The following NTNG1 variants were observed in gnomAD, a reference collection of about 807,000 sequenced individuals.
NTNG1 encodes the protein netrin G1.
In NTNG1, 16 loss-of-function variants were observed where a neutral mutation model predicts 54.0. The observed-to-expected ratio is 0.30, with a 90% CI of 0.20 to 0.45. NTNG1 has a LOEUF of 0.45. Ranked by LOEUF, NTNG1 falls within the 20% of genes least tolerant of loss-of-function variation. NTNG1 has a pLI of 1.00. For synonymous variants in NTNG1, 255 were observed against 263.1 expected, an observed-to-expected ratio of 0.97 and a Z score of 0.30; for missense variants, 530 against 678.7, an observed-to-expected ratio of 0.78 and a Z score of 2.43.
At chr1:107,333,797 C>T (rs1668417747) in intron 3 of NTNG1, among the ~76,000 whole-genome samples, 2 of 150,696 alleles carry the variant, frequency 1.3e-5, no homozygotes, top group African/African-American at 4.9e-5. Context: ...TAGAGAAAGA[C>T]TAACCTCAAT....
intron 2 of NTNG1, among the ~76,000 whole-genome samples, chr1:107,309,250 G>C (rs1666863884): frequency 6.6e-6 from 1 of 152,186 alleles, no homozygotes. Context: ...GGCCAGTTCT[G>C]GACCCTTTCT....
At chr1:107,354,325 C>T (rs149050461) in intron 3 of NTNG1, among the ~76,000 whole-genome samples, 9 of 151,578 alleles carry the variant, frequency 5.9e-5, no homozygotes, top group African/African-American at 9.7e-5. Flanking sequence ...AAAAATTAGC[C>T]GAGCGTGGTG....
intron 2 of NTNG1, among the ~76,000 whole-genome samples, chr1:107,172,228 G>A (rs1168749556): frequency 6.6e-6 from 1 of 152,118 alleles, no homozygotes; most frequent in Non-Finnish European, 1.5e-5. Context: ...TGTCTATCAC[G>A]ACAAAGCTAA....
At chr1:107,426,362 G>A (rs901626625) in intron 5 of NTNG1, among the ~76,000 whole-genome samples, 1 of 151,930 alleles carries the variant, frequency 6.6e-6, no homozygotes, top group African/African-American at 2.4e-5. Flanking sequence ...GTGAGATAGA[G>A]GTTCAGTTTC....
At chr1:107,397,404 G>A (rs541741476) in intron 4 of NTNG1, among the ~76,000 whole-genome samples, 1 of 152,268 alleles carries the variant, frequency 6.6e-6, no homozygotes, top group East Asian at 1.9e-4. Flanking sequence ...CTGCTTTAAA[G>A]CATCTGAGGA....
At chr1:107,147,450 G>A (rs1654208898) in intron 1 of NTNG1, among the ~76,000 whole-genome samples, 1 of 149,678 alleles carries the variant, frequency 6.7e-6, no homozygotes, top group South Asian at 2.1e-4. Flanking sequence ...TTGCTCCTTT[G>A]GTTTTATTTT....
At chr1:107,366,263 C>A (rs1455293850) in intron 3 of NTNG1, among the ~76,000 whole-genome samples, 3 of 152,188 alleles carry the variant, frequency 2.0e-5, no homozygotes, top group Non-Finnish European at 4.4e-5. Context: ...GAGCACGACA[C>A]CAGCTGGCAG....
chr1:107,396,169 T>C (rs377611209), intron 4 of NTNG1, among the ~76,000 whole-genome samples: 99 of 152,174 alleles, frequency 6.5e-4, no homozygotes, highest in South Asian at 6.4e-3. Flanking sequence ...GATTAGAATG[T>C]CCCCATTCAG....
intron 7 of NTNG1, chr1:107,455,514 A>G: frequency 2.4e-6 from 1 of 411,476 alleles, no homozygotes; most frequent in Non-Finnish European, 5.2e-6. Context: ...GTTCTTCTTC[A>G]ACAGCTGTGT....
intron 5 of NTNG1, among the ~76,000 whole-genome samples, chr1:107,415,508 A>C (rs1674136701): frequency 3.3e-5 from 5 of 152,138 alleles, no homozygotes; most frequent in African/African-American, 7.2e-5. Flanking sequence ...CAGATAAGGA[A>C]AGTAAAATCC....
intron 2 of NTNG1, among the ~76,000 whole-genome samples, chr1:107,187,776 G>A (rs1375511614): frequency 6.6e-6 from 1 of 152,040 alleles, no homozygotes; most frequent in Non-Finnish European, 1.5e-5. Flanking sequence ...CTCAGGTGTC[G>A]GCAAGGACAC....
chr1:107,297,247 G>T (rs2493993), intron 2 of NTNG1, among the ~76,000 whole-genome samples: 1 of 9,966 alleles, frequency 1.0e-4, no homozygotes, highest in African/African-American at 3.3e-4. Context: ...ATATATATAT[G>T]CGCACACACA....
At chr1:107,397,846 C>T (rs966575938) in intron 4 of NTNG1, among the ~76,000 whole-genome samples, 1 of 151,788 alleles carries the variant, frequency 6.6e-6, no homozygotes, top group Non-Finnish European at 1.5e-5. Context: ...TTTTCATGTC[C>T]TTTACCTGGT....
chr1:107,162,871 G>GATAT (rs1397699434), intron 2 of NTNG1, among the ~76,000 whole-genome samples: 5 of 152,100 alleles, frequency 3.3e-5, no homozygotes, highest in African/African-American at 1.2e-4. Flanking sequence ...TTTGCAAGAT[G>GATAT]ATATATAAAT....
chr1:107,238,609 T>C (rs1661576665), intron 2 of NTNG1, among the ~76,000 whole-genome samples: 1 of 152,132 alleles, frequency 6.6e-6, no homozygotes, highest in Admixed American at 6.5e-5. Context: ...GGCAAGTCTC[T>C]CCTGCGCTGT....
chr1:107,344,065 C>T (rs1669077188), intron 3 of NTNG1, among the ~76,000 whole-genome samples: 1 of 151,990 alleles, frequency 6.6e-6, no homozygotes, highest in South Asian at 2.1e-4. Context: ...AAAAAAAAAT[C>T]TTACATTATC....
intron 7 of NTNG1, among the ~76,000 whole-genome samples, chr1:107,441,517 A>C (rs1209797501): frequency 6.6e-6 from 1 of 152,156 alleles, no homozygotes; most frequent in Non-Finnish European, 1.5e-5. Flanking sequence ...TACACATAGC[A>C]AGGGGGAGAC....
At chr1:107,439,321 T>C (rs1675811708) in intron 7 of NTNG1, among the ~76,000 whole-genome samples, 1 of 144,882 alleles carries the variant, frequency 6.9e-6, no homozygotes, top group Non-Finnish European at 1.5e-5. Context: ...TGCACATGTG[T>C]TGGGAGTAAG....
chr1:107,433,278 T>TA (rs1675386739), intron 6 of NTNG1, among the ~76,000 whole-genome samples: 3 of 152,304 alleles, frequency 2.0e-5, no homozygotes, highest in Admixed American at 2.0e-4. Context: ...GTGCAATGGC[T>TA]AATGCCTGTA....
Sources: gnomAD v4.1 joint callset for allele counts (sites outside exome capture counted in the v4.1 genomes callset) on GRCh38, gnomAD v4.1.1 for gene constraint, MANE v1.5 for transcripts, NCBI Gene and HGNC (gene_info 2026-07-23, HGNC 2026-07-21) for gene names.